WNT9B: variants seen among roughly 807,000 people sequenced by gnomAD.
WNT9B encodes the protein Wnt family member 9B, also known as protein Wnt-9b.
A neutral mutation model predicts 30.2 loss-of-function variants in WNT9B; 12 were observed. The observed-to-expected ratio is 0.40, with a 90% CI of 0.26 to 0.64. WNT9B has a LOEUF of 0.64. WNT9B is among the 30% of genes least tolerant of loss of function. The pLI is 0.42. For synonymous variants in WNT9B, 218 were observed against 216.9 expected (o/e 1.01, Z -0.05); for missense variants, 442 against 485.2 (o/e 0.91, Z 0.84).
chr17:46,863,883 C>T (rs1426073876), intron 1 of WNT9B, among the ~76,000 whole-genome samples: 1 of 152,136 alleles, frequency 6.6e-6, no homozygotes, highest in Non-Finnish European at 1.5e-5. Context: ...TCCTGGACTA[C>T]TCTGGGGGTG....
chr17:46,882,588 T>C (rs902011877), downstream of WNT9B, among the ~76,000 whole-genome samples: 2 of 151,712 alleles, frequency 1.3e-5, no homozygotes, highest in African/African-American at 4.8e-5. Context: ...GGCTCACCCA[T>C]GATGGGGATG....
At chr17:46,868,317 C>T (rs142366260) in intron 1 of WNT9B, among the ~76,000 whole-genome samples, 75 of 152,312 alleles carry the variant, frequency 4.9e-4, no homozygotes, top group East Asian at 1.2e-3. Context: ...TTTGGCTGGG[C>T]GTGGTGGCTC....
chr17:46,843,102 G>A (rs1031565715), intron 1 of WNT9B, among the ~76,000 whole-genome samples: 3 of 152,234 alleles, frequency 2.0e-5, no homozygotes, highest in African/African-American at 4.8e-5. Context: ...TCATGAGGAA[G>A]AAGGTGGGCA....
At chr17:46,857,736 A>G (rs1433230545) in intron 1 of WNT9B, among the ~76,000 whole-genome samples, 1 of 152,192 alleles carries the variant, frequency 6.6e-6, no homozygotes, top group Non-Finnish European at 1.5e-5. Context: ...ATGGTCAGCT[A>G]TCATCAGTTT....
intron 1 of WNT9B, among the ~76,000 whole-genome samples, chr17:46,872,266 G>C (rs2085257595): frequency 6.6e-6 from 1 of 152,184 alleles, no homozygotes; most frequent in African/African-American, 2.4e-5. Context: ...TGGGCCAATA[G>C]GGAAATAGGA....
At chr17:46,856,796 T>C (rs2084946724) in intron 1 of WNT9B, among the ~76,000 whole-genome samples, 3 of 152,182 alleles carry the variant, frequency 2.0e-5, no homozygotes, top group Admixed American at 2.0e-4. Flanking sequence ...TGCATGCATT[T>C]TAAATTGCAC....
chr17:46,865,221 C>G (rs984815759), intron 1 of WNT9B, among the ~76,000 whole-genome samples: 4 of 152,202 alleles, frequency 2.6e-5, no homozygotes, highest in Admixed American at 1.3e-4. Context: ...ACTCTAAATG[C>G]CGGGGATTGT....
chr17:46,844,231 A>G (rs571000029), intron 1 of WNT9B, among the ~76,000 whole-genome samples: 1 of 151,822 alleles, frequency 6.6e-6, no homozygotes, highest in South Asian at 2.1e-4. Context: ...TGCTAGGATT[A>G]TAGGCATGAG....
chr17:46,875,977 C>T (rs1189517007), intron 3 of WNT9B, among the ~76,000 whole-genome samples: 5 of 151,788 alleles, frequency 3.3e-5, no homozygotes, highest in Non-Finnish European at 4.4e-5. Context: ...TGGTGTGAAC[C>T]GGGGCTGCTG....
rs1234017175 is a variant in WNT9B at position 46,879,786 on chromosome 17, C to T, written c.*3068C>T. Reference sequence around the variant, plus strand: ...CAAGAACTCAGGGAAGCAGTTCCTTCCCAGGCTGTGATCCCAGCCTTTTGG... The same window carrying T: ...CAAGAACTCAGGGAAGCAGTTCCTTTCCAGGCTGTGATCCCAGCCTTTTGG... On this transcript the variant is annotated 3_prime_UTR_variant, in exon 4 of 4. Coordinates refer to ENST00000290015, the MANE Select transcript of WNT9B (RefSeq NM_003396.3). Among the ~76,000 whole-genome samples, 1 of 152,244 alleles carries T rather than the reference C, an allele frequency of 6.6e-6. No homozygotes were observed. The highest frequency in any genetic ancestry group is 6.5e-5 in the Admixed American group (1 of 15,284).
At chr17:46,865,257 C>T (rs970831547) in intron 1 of WNT9B, among the ~76,000 whole-genome samples, 4 of 152,222 alleles carry the variant, frequency 2.6e-5, no homozygotes, top group East Asian at 1.9e-4. Flanking sequence ...GCTTGCTGTG[C>T]GAGCTGCTCA....
chr17:46,872,789 A>AGGGGACGGGGAGGGCTG lies in WNT9B; in HGVS notation c.334+22_334+38dup, dbSNP rs771495364. The AGGGGACGGGGAGGGCTG allele has an allele frequency of 9.6e-6, 11 of 1,148,544 alleles. No homozygotes were observed. The African/African-American group carries it at 1.7e-4, about 18-fold the overall frequency. 71.1% of individuals were successfully genotyped at this position (1,148,544 alleles called of 1,614,324 possible). On this transcript the variant is annotated intron_variant, in intron 2 of 3. Transcript: ENST00000290015. ...CTCAAGAGAGGTGGGGAGGAGGGCT[A>AGGGGACGGGGAGGGCTG]GGGGACGGGGAGGGCTGGGGGAAGA...
intron 1 of WNT9B, among the ~76,000 whole-genome samples, chr17:46,835,433 G>C (rs373164389): frequency 6.6e-6 from 1 of 151,912 alleles, no homozygotes; most frequent in African/African-American, 2.4e-5. Context: ...GGATGGTATC[G>C]ATCTCCTGAC....
chr17:46,847,690 C>T (rs1036560741), upstream of WNT9B, among the ~76,000 whole-genome samples: 4 of 152,290 alleles, frequency 2.6e-5, no homozygotes, highest in East Asian at 7.7e-4. Context: ...GGGGCATCAT[C>T]TGTTCCACTT....
At chr17:46,845,558 C>T (rs538022301) in intron 1 of WNT9B, among the ~76,000 whole-genome samples, 20 of 147,076 alleles carry the variant, frequency 1.4e-4, no homozygotes, top group Admixed American at 6.3e-4. Flanking sequence ...GGCACAATCT[C>T]GGCTCACTGC....
chr17:46,853,389 T>A (rs959473932), intron 1 of WNT9B, among the ~76,000 whole-genome samples: 181 of 146,482 alleles, frequency 1.2e-3, no homozygotes, highest in African/African-American at 4.5e-3. Context: ...TTTTTTTTTT[T>A]AAGACGGAGT....
rs149352406 is a variant in WNT9B at position 46,878,817 on chromosome 17, G to A, written c.*2099G>A. The stretch of plus-strand genomic sequence containing the variant: ...TGCCAGGGTCGTGGGAGGGCAAAGG[G>A]CAGGCTCTAAGGCATCTAGGCAGTG... On this transcript the variant is annotated 3_prime_UTR_variant, in exon 4 of 4. Transcript: ENST00000290015. Among the ~76,000 whole-genome samples the A allele has an allele frequency of 1.2e-3, 180 of 152,344 alleles. No homozygotes were observed. Among genetic ancestry groups the A allele is most frequent in the African/African-American group, 4.1e-3 (172 of 41,586 alleles).
chr17:46,866,450 G>A (rs566636453), intron 1 of WNT9B, among the ~76,000 whole-genome samples: 1 of 152,170 alleles, frequency 6.6e-6, no homozygotes, highest in African/African-American at 2.4e-5. Flanking sequence ...ATGTGGATGT[G>A]TGTGTGAGGG....
At chr17:46,863,007 C>T (rs2085067345) in intron 1 of WNT9B, among the ~76,000 whole-genome samples, 1 of 152,260 alleles carries the variant, frequency 6.6e-6, no homozygotes, top group Non-Finnish European at 1.5e-5. Flanking sequence ...GGGCCTGGCT[C>T]TCAGACCCCA....
Sources: gnomAD v4.1 joint callset for allele counts (sites outside exome capture counted in the v4.1 genomes callset) on GRCh38, gnomAD v4.1.1 for gene constraint, MANE v1.5 for transcripts, NCBI Gene and HGNC (gene_info 2026-07-23, HGNC 2026-07-21) for gene names.